CDIN1: variants seen among roughly 807,000 people sequenced by gnomAD.
The protein encoded by CDIN1 is CDAN1 interacting nuclease 1.
Under a neutral mutation model 45.3 loss-of-function variants are expected in CDIN1, and 33 were observed. The ratio of observed to expected loss-of-function variants is 0.73; its 90% CI spans 0.55 to 0.97. The LOEUF (loss-of-function observed/expected upper bound fraction) is 0.97. CDIN1 is among the 50% of genes least tolerant of loss of function. CDIN1 has a pLI of 0.00. For synonymous variants in CDIN1, 118 were observed against 124.4 expected, an observed-to-expected ratio of 0.95 and a Z score of 0.34; for missense variants, 303 against 339.4, an observed-to-expected ratio of 0.89 and a Z score of 0.84.
rs191002729 is a variant in CDIN1 at position 36,663,906 on chromosome 15, C to T, written c.346+6001C>T. Among the ~76,000 whole-genome samples, 4 of 152,256 alleles carry T rather than the reference C, an allele frequency of 2.6e-5. No homozygotes were observed. The East Asian group carries it at 7.7e-4, about 29-fold the overall frequency. ...GTTAAGAACCAAGGTTGAAGATGAT[C>T]CAGCAACACTGTAAAATGTGTTGAA... On this transcript the variant is annotated intron_variant, in intron 5 of 10. Transcript: ENST00000566621.
chr15:36,696,523 G>A (rs2042430702), intron 7 of CDIN1: 1 of 152,198 alleles, frequency 6.6e-6, no homozygotes, highest in Non-Finnish European at 1.5e-5. Context: ...ATTCTTTACT[G>A]TACCTATTAA....
In CDIN1 at chr15:36,777,243, G is replaced by A. The variant is rs532596622; in HGVS notation, c.717-31081G>A. Reference sequence around the variant, plus strand: ...TTCAACGTTGTGGCTAATTAGTGACGGGAGAAAAAAAGAAATACTTGAGCT... The same window carrying A: ...TTCAACGTTGTGGCTAATTAGTGACAGGAGAAAAAAAGAAATACTTGAGCT... On this transcript the variant is annotated intron_variant, in intron 10 of 10. Transcript: ENST00000566621. Among the ~76,000 whole-genome samples, 7 of 151,942 alleles carry A rather than the reference G, an allele frequency of 4.6e-5. No individual in the cohort carries two copies. The East Asian group carries it at 5.8e-4, about 13-fold the overall frequency.
At chr15:36,667,047 G>T (rs2041275402) in intron 5 of CDIN1, among the ~76,000 whole-genome samples, 1 of 152,202 alleles carries the variant, frequency 6.6e-6, no homozygotes, top group Admixed American at 6.5e-5. Context: ...TGATTCCAGA[G>T]CCTGTGCTCC....
chr15:36,751,063 G>A (rs1348448292), intron 10 of CDIN1, among the ~76,000 whole-genome samples: 1 of 151,258 alleles, frequency 6.6e-6, no homozygotes, highest in Non-Finnish European at 1.5e-5. Context: ...ACATTTAGAC[G>A]GTACTGGGTA....
chr15:36,642,120 A>G (rs1387950575), intron 1 of CDIN1, among the ~76,000 whole-genome samples: 3 of 152,180 alleles, frequency 2.0e-5, no homozygotes, highest in Non-Finnish European at 2.9e-5. Context: ...CCTGCCCAGT[A>G]TTTCCCTCCG....
At chr15:36,742,682 C>T (rs1007343073) in intron 10 of CDIN1, among the ~76,000 whole-genome samples, 59 of 152,276 alleles carry the variant, frequency 3.9e-4, no homozygotes, top group African/African-American at 1.4e-3. Flanking sequence ...TTTCCAGATG[C>T]AGGCCAGTTT....
intron 1 of CDIN1, among the ~76,000 whole-genome samples, chr15:36,621,415 A>C (rs1048784380): frequency 3.9e-5 from 6 of 152,196 alleles, no homozygotes; most frequent in African/African-American, 1.4e-4. Context: ...ACTTATTGTT[A>C]GCATGGCAGT....
intron 1 of CDIN1, among the ~76,000 whole-genome samples, chr15:36,584,897 A>G (rs993614091): frequency 2.0e-5 from 3 of 152,234 alleles, no homozygotes; most frequent in Admixed American, 1.3e-4. Flanking sequence ...TAACAAAATA[A>G]TGTTGAACAA....
At chr15:36,656,059 C>T (rs2040769988) in intron 4 of CDIN1, among the ~76,000 whole-genome samples, 1 of 152,152 alleles carries the variant, frequency 6.6e-6, no homozygotes, top group Non-Finnish European at 1.5e-5. Context: ...GTTTTGGCTA[C>T]AGACTAGTAC....
chr15:36,665,139 T>G (rs914216076), intron 5 of CDIN1, among the ~76,000 whole-genome samples: 3 of 152,238 alleles, frequency 2.0e-5, no homozygotes, highest in African/African-American at 7.2e-5. Flanking sequence ...CATTTTCTTG[T>G]ATCTGTTTGT....
chr15:36,664,826 C>G lies in CDIN1; in HGVS notation c.346+6921C>G, dbSNP rs112403019. On this transcript the variant is annotated intron_variant, in intron 5 of 10. Transcript: ENST00000566621. ...CTCCCAAAGTGCTGGGATTACAGGC[C>G]TGAGCCACCGCGCCCAGCCTGGTTA... 2.4e-3 allele frequency among the ~76,000 whole-genome samples: 368 copies of G among 152,286 alleles called. 4 individuals are homozygous for G. Among genetic ancestry groups the G allele is most frequent in the African/African-American group, 8.2e-3 (341 of 41,556 alleles).
chr15:36,786,317 C>G (rs1230031182), intron 10 of CDIN1, among the ~76,000 whole-genome samples: 1 of 152,126 alleles, frequency 6.6e-6, no homozygotes, highest in Non-Finnish European at 1.5e-5. Context: ...TCCTTATCAC[C>G]TTCTAACTCT....
At chr15:36,618,885 C>T in intron 1 of CDIN1, 1 of 1,138,728 alleles carries the variant, frequency 8.8e-7, no homozygotes, top group Non-Finnish European at 1.3e-6. Context: ...AGTACTGCCT[C>T]ACCATGTAAT....
chr15:36,605,772 A>T (rs1362140373), intron 1 of CDIN1, among the ~76,000 whole-genome samples: 2 of 152,164 alleles, frequency 1.3e-5, no homozygotes, highest in Non-Finnish European at 2.9e-5. Flanking sequence ...TATCTTAAAG[A>T]GTGGAGTGAC....
chr15:36,782,295 A>G (rs1845881197), intron 10 of CDIN1, among the ~76,000 whole-genome samples: 1 of 152,162 alleles, frequency 6.6e-6, no homozygotes, highest in African/African-American at 2.4e-5. Flanking sequence ...TGCTCCCAAA[A>G]GGTGGGGGTT....
intron 1 of CDIN1, among the ~76,000 whole-genome samples, chr15:36,620,893 T>A (rs2039157845): frequency 6.6e-6 from 1 of 152,154 alleles, no homozygotes; most frequent in African/African-American, 2.4e-5. Flanking sequence ...AGTTTGGAAT[T>A]CACTGAAACA....
At chr15:36,661,471 A>G (rs918046990) in intron 5 of CDIN1, among the ~76,000 whole-genome samples, 4 of 152,274 alleles carry the variant, frequency 2.6e-5, no homozygotes, top group East Asian at 1.9e-4. Context: ...TTAAGTGTCA[A>G]AGTATCAAAA....
intron 5 of CDIN1, among the ~76,000 whole-genome samples, chr15:36,674,193 G>T (rs1247883898): frequency 6.6e-6 from 1 of 152,134 alleles, no homozygotes; most frequent in Non-Finnish European, 1.5e-5. Context: ...CAGTGTTTGC[G>T]CAGGACGGCG....
chr15:36,771,781 T>A (rs1275964388), intron 10 of CDIN1, among the ~76,000 whole-genome samples: 1 of 151,868 alleles, frequency 6.6e-6, no homozygotes, highest in Non-Finnish European at 1.5e-5. Flanking sequence ...TACAAAAAAT[T>A]AGCTGGGCAC....
Sources: gnomAD v4.1 joint callset for allele counts (sites outside exome capture counted in the v4.1 genomes callset) on GRCh38, gnomAD v4.1.1 for gene constraint, MANE v1.5 for transcripts, NCBI Gene and HGNC (gene_info 2026-07-23, HGNC 2026-07-21) for gene names.